Variants in MAGT1 observed in about 807,000 individuals in gnomAD.
The protein encoded by MAGT1 is magnesium transporter 1, also known as dolichyl-diphosphooligosaccharide--protein glycosyltransferase subunit MAGT1.
MAGT1 carries 4 observed loss-of-function variants against 28.4 expected under a neutral mutation model. The ratio of observed to expected loss-of-function variants is 0.14; its 90% CI spans 0.07 to 0.32. The LOEUF is 0.32. MAGT1 is among the 10% of genes least tolerant of loss of function. MAGT1 has a pLI of 1.00. For missense variants in MAGT1, 193 were observed against 264.5 expected (o/e 0.73, Z 1.88); for synonymous variants, 89 against 89.7 (o/e 0.99, Z 0.04).
chrX:77,850,745 G>A (rs1190621276), intron 7 of MAGT1, among the ~76,000 whole-genome samples: 1 of 110,850 alleles, frequency 9.0e-6, no homozygotes, highest in Non-Finnish European at 1.9e-5. Context: ...GAGGTAAAAT[G>A]ACAATTTTCT....
At chrX:77,851,168 G>A (rs1264822526) in intron 7 of MAGT1, among the ~76,000 whole-genome samples, 2 of 108,759 alleles carry the variant, frequency 1.8e-5, no homozygotes, top group African/African-American at 3.3e-5. Flanking sequence ...ATGAGGTTTC[G>A]CTATGTTGGC....
At chrX:77,890,676 A>G (rs2077079775) in intron 1 of MAGT1, among the ~76,000 whole-genome samples, 1 of 112,319 alleles carries the variant, frequency 8.9e-6, no homozygotes, top group Non-Finnish European at 1.9e-5. Context: ...ACCCAGAGGA[A>G]TATAATCTCA....
chrX:77,892,805 T>A (rs190885344), intron 1 of MAGT1, among the ~76,000 whole-genome samples: 1,147 of 110,453 alleles, frequency 0.01, 7 homozygotes, highest in Non-Finnish European at 0.016. Context: ...TGAAAAAAAA[T>A]TTTTTTAAAT....
At chrX:77,859,688 A>G (rs1304945052) in intron 3 of MAGT1, among the ~76,000 whole-genome samples, 1 of 111,433 alleles carries the variant, frequency 9.0e-6, no homozygotes, top group African/African-American at 3.3e-5. Flanking sequence ...CCAACATGGT[A>G]AAACCCCATC....
intron 1 of MAGT1, among the ~76,000 whole-genome samples, chrX:77,878,463 ACT>A (rs1255004016): frequency 1.2e-5 from 1 of 80,964 alleles, no homozygotes; most frequent in Non-Finnish European, 2.4e-5. Flanking sequence ...ACAGAGTAAG[ACT>A]CTGTCTCCAA....
rs941882099 is a variant in MAGT1, at chrX:77,841,298, C to T, written c.849G>A (p.Met283Ile). 6 of 1,201,530 alleles carry T rather than the reference C, an allele frequency of 5.0e-6. No homozygotes were observed. Among genetic ancestry groups the T allele is most frequent in the Middle Eastern group, 4.6e-4 (2 of 4,353 alleles). Reference sequence around the variant, plus strand: ...AGGTAGCAGCTTCACATAAAAGCACCATTCCTAAGGTAACTCCACCATCTA... The same window carrying T: ...AGGTAGCAGCTTCACATAAAAGCACTATTCCTAAGGTAACTCCACCATCTA... Reference protein sequence around the residue: ...LLFNGGVTLGMVLLCEAATSD... With the variant: ...LLFNGGVTLGIVLLCEAATSD... The change falls in exon 8 of 10, where the codon ATG becomes ATA. Residue 283 changes from methionine (M) to isoleucine (I), a missense_variant. By Grantham distance (10) the Met-to-Ile change is conservative. Transcript: ENST00000618282.
intron 5 of MAGT1, among the ~76,000 whole-genome samples, chrX:77,856,307 A>T (rs1402838206): frequency 9.1e-6 from 1 of 110,105 alleles, no homozygotes; most frequent in African/African-American, 3.3e-5. Context: ...GCGTGGTGGC[A>T]CACGCCTGTA....
chrX:77,870,662 T>G (rs2077018373), intron 3 of MAGT1, 146 bp downstream of exon 3: 1 of 450,009 alleles, frequency 2.2e-6, no homozygotes, highest in African/African-American at 2.4e-5. Flanking sequence ...ATTTTATGGT[T>G]AGCTCAAGTT....
intron 9 of MAGT1, among the ~76,000 whole-genome samples, chrX:77,830,487 C>T (rs1185970574): frequency 1.8e-5 from 2 of 110,688 alleles, no homozygotes; most frequent in African/African-American, 6.5e-5. Flanking sequence ...TGCTGGCACA[C>T]GCCTGTAATC....
rs1402988464 is a variant in MAGT1 at position 77,836,149 on chromosome X, A to G, written c.901+5097T>C. On this transcript the variant is annotated intron_variant, in intron 8 of 9. Transcript: ENST00000618282. ...CAATTCAGGTACAGAAAAAAAAATC[A>G]TATGTTCTCACTTATTTGTGGGATC... 2.7e-5 allele frequency among the ~76,000 whole-genome samples: 3 copies of G among 110,994 alleles called. No individual in the cohort carries two copies. In the South Asian group the frequency reaches 1.1e-3, roughly 42 times the overall value.
rs1291004297 is a variant in MAGT1 at position 77,828,892 on chromosome X, A to G, written c.*328T>C. The G allele has an allele frequency of 5.6e-6, 1 of 179,741 alleles. No homozygotes were observed. Among genetic ancestry groups the G allele is most frequent in the Non-Finnish European group, 1.0e-5 (1 of 97,488 alleles). The allele number at this position is 179,741 out of a possible 1,213,427, so 14.8% of individuals were successfully genotyped here. A position where few individuals can be genotyped will look rare whatever the true frequency, so the allele number is the denominator to read the frequency against. On this transcript the variant is annotated 3_prime_UTR_variant, in exon 10 of 10. Transcript: ENST00000618282. ...ATAAAATCAGATGACCAAGTTAACT[A>G]AAGTAGTTTTGAGCTTTGTTCTAAC... is the stretch of plus-strand genomic sequence containing the variant.
intron 8 of MAGT1, among the ~76,000 whole-genome samples, chrX:77,837,677 T>C (rs782464824): frequency 2.7e-5 from 3 of 112,393 alleles, no homozygotes; most frequent in South Asian, 3.6e-4. Context: ...TCATCTTTTT[T>C]CTAGAAGTTA....
At chrX:77,857,222 G>T in intron 4 of MAGT1, 135 bp downstream of exon 4, 1 of 756,560 alleles carries the variant, frequency 1.3e-6, no homozygotes, top group Non-Finnish European at 2.0e-6. Flanking sequence ...AGATGATTCT[G>T]TTTAATGCTA....
In MAGT1 at chrX:77,862,321, G is replaced by A. The variant is rs1603362278; in HGVS notation, c.391-4824C>T. Among the ~76,000 whole-genome samples, 4 of 110,586 alleles carry A rather than the reference G, an allele frequency of 3.6e-5. No individual in the cohort carries two copies. The South Asian group carries it at 1.1e-3, about 31-fold the overall frequency. ...TAATATTAAAAACTATTCAAGGTAC[G>A]AAAGTGTACGTAACAAAAACAAAAA... is the stretch of plus-strand genomic sequence containing the variant. On this transcript the variant is annotated intron_variant, in intron 3 of 9. Coordinates refer to ENST00000618282, the MANE Select transcript of MAGT1 (RefSeq NM_001367916.1).
intron 1 of MAGT1, 86 bp downstream of exon 1, chrX:77,895,223 G>T: frequency 1.9e-6 from 2 of 1,048,442 alleles, no homozygotes; most frequent in Non-Finnish European, 2.6e-6. Flanking sequence ...GAAGCGGCAG[G>T]GAAAGGGGGC....
chrX:77,843,489 G>T (rs1557214596), intron 7 of MAGT1, among the ~76,000 whole-genome samples: 1 of 111,092 alleles, frequency 9.0e-6, no homozygotes, highest in African/African-American at 3.3e-5. Context: ...TCCAGCCTGG[G>T]CCTCCCAAAG....
At chrX:77,877,770 G>A (rs1161264954) in intron 1 of MAGT1, among the ~76,000 whole-genome samples, 9 of 106,178 alleles carry the variant, frequency 8.5e-5, no homozygotes, top group South Asian at 4.1e-4. Context: ...CCGAGATCAC[G>A]CCACTGCGCT....
rs2076887199 is a variant in MAGT1 at position 77,827,759 on chromosome X, G to C, written c.*1461C>G. ...CTGGCCAGGGAGTCCTTTTCTAACTGAGCCTATTTTTCTCTTAGGTACAAA... is the reference window on the plus strand; with the variant it reads ...CTGGCCAGGGAGTCCTTTTCTAACTCAGCCTATTTTTCTCTTAGGTACAAA... On this transcript the variant is annotated 3_prime_UTR_variant, in exon 10 of 10. Transcript: ENST00000618282. The C allele has an allele frequency of 9.0e-6, 1 of 110,733 alleles. No individual in the cohort carries two copies. The highest frequency in any genetic ancestry group is 1.9e-5 in the Non-Finnish European group (1 of 52,983). The allele number at this position is 110,733 out of a possible 1,213,427, so 9.1% of individuals were successfully genotyped here. A position where few individuals can be genotyped will look rare whatever the true frequency, so the allele number is the denominator to read the frequency against.
chrX:77,895,256 C>G lies in MAGT1; in HGVS notation c.102+53G>C. 6.8e-6 allele frequency: 8 copies of G among 1,179,115 alleles called. No individual in the cohort carries two copies. The South Asian group carries it at 1.4e-4, about 21-fold the overall frequency. On this transcript the variant is annotated intron_variant, in intron 1 of 9. Transcript: ENST00000618282. ...GGCTGGGAAGAGGCGAACAGACCCT[C>G]TTAAGCCCCAGTCATTGGGAAAAGC...
Sources: gnomAD v4.1 joint callset for allele counts (sites outside exome capture counted in the v4.1 genomes callset) on GRCh38, gnomAD v4.1.1 for gene constraint, MANE v1.5 for transcripts, NCBI Gene and HGNC (gene_info 2026-07-23, HGNC 2026-07-21) for gene names.